The following TRPC4 variants were observed in gnomAD, a reference collection of about 807,000 sequenced individuals.
TRPC4 encodes transient receptor potential cation channel subfamily C member 4.
Under a neutral mutation model 99.4 loss-of-function variants are expected in TRPC4, and 49 were observed. The ratio of observed to expected loss-of-function variants is 0.49; its 90% CI spans 0.39 to 0.63. TRPC4 has a LOEUF of 0.63. Ranked by LOEUF, TRPC4 falls within the 20% of genes least tolerant of loss-of-function variation. The probability of loss-of-function intolerance (pLI) is 0.00; values close to 1 mark genes in which losing one functional copy is unlikely to be tolerated. For synonymous variants in TRPC4, 454 were observed against 425.9 expected, an observed-to-expected ratio of 1.07 and a Z score of -0.81; for missense variants, 898 against 1,152.9, an observed-to-expected ratio of 0.78 and a Z score of 3.20.
At position 37,705,660 on chromosome 13, in the gene TRPC4, C is replaced by G. The variant is rs80331112; in HGVS notation, c.898-13325G>C. ...CTCAAATCAGTCTTTGAGTTCCTCTCCTTCTAACCCATGGACCATTCTGCT... is the reference window on the plus strand; with the variant it reads ...CTCAAATCAGTCTTTGAGTTCCTCTGCTTCTAACCCATGGACCATTCTGCT... On this transcript the variant is annotated intron_variant, in intron 3 of 10. Transcript: ENST00000379705. Among the ~76,000 whole-genome samples, 1,257 of 152,186 alleles carry G rather than the reference C, an allele frequency of 8.3e-3. 20 individuals carry two copies. Among genetic ancestry groups the G allele is most frequent in the African/African-American group, 0.029 (1,206 of 41,518 alleles).
chr13:37,797,903 G>T (rs981029901), intron 1 of TRPC4, among the ~76,000 whole-genome samples: 1 of 152,090 alleles, frequency 6.6e-6, no homozygotes, highest in Non-Finnish European at 1.5e-5. Flanking sequence ...CTATGACATT[G>T]TGATCATTTT....
At chr13:37,848,405 T>C (rs1321068743) in intron 1 of TRPC4, among the ~76,000 whole-genome samples, 1 of 152,032 alleles carries the variant, frequency 6.6e-6, no homozygotes, top group Non-Finnish European at 1.5e-5. Context: ...GCACCATCCA[T>C]AGAACATTAT....
intron 3 of TRPC4, among the ~76,000 whole-genome samples, chr13:37,700,996 A>C (rs1347043510): frequency 6.6e-6 from 1 of 152,162 alleles, no homozygotes; most frequent in Non-Finnish European, 1.5e-5. Flanking sequence ...TTGGAATTAA[A>C]TTAGTCTATA....
intron 5 of TRPC4, among the ~76,000 whole-genome samples, chr13:37,671,793 A>T (rs1566084722): frequency 6.6e-6 from 1 of 152,230 alleles, no homozygotes; most frequent in Non-Finnish European, 1.5e-5. Flanking sequence ...TCCACAGTGC[A>T]TGCCAATGAA....
At position 37,637,265 on chromosome 13, in the gene TRPC4, C is replaced by G. The variant is rs761506347; in HGVS notation, c.2572G>C (p.Glu858Gln). The G allele has an allele frequency of 6.2e-6, 10 of 1,613,890 alleles. No individual in the cohort carries two copies. The highest frequency in any genetic ancestry group is 1.3e-5 in the African/African-American group (1 of 75,030). ...GAGAAGATTTGGTTTGCATTTTGCT[C>G]AGCAGCATTTTGTTTTGATCGTCTA... ...FHRRSKQNAA[E>Q]QNANQIFSVS... Residue 858 changes from glutamate (E) to glutamine (Q), a missense_variant, in exon 11 of 11, where the codon GAG (glutamate) becomes CAG (glutamine). By Grantham distance (29) the Glu-to-Gln change is conservative (BLOSUM62 2). This residue lies in a region of TRPC4 where 346 missense variants were observed against 351.4 expected (regional missense o/e 0.98). Transcript: ENST00000379705.
chr13:37,760,674 C>G (rs528225098), intron 2 of TRPC4, among the ~76,000 whole-genome samples: 8 of 151,924 alleles, frequency 5.3e-5, no homozygotes, highest in Non-Finnish European at 8.8e-5. Flanking sequence ...CAGCCCAACA[C>G]AAATTCGCAA....
intron 1 of TRPC4, among the ~76,000 whole-genome samples, chr13:37,821,783 T>C (rs1227375378): frequency 6.6e-6 from 1 of 151,970 alleles, no homozygotes; most frequent in Non-Finnish European, 1.5e-5. Flanking sequence ...AAACTGGGTC[T>C]TTCCTTACAC....
chr13:37,777,375 G>A (rs1165320247), intron 2 of TRPC4, among the ~76,000 whole-genome samples: 1 of 151,914 alleles, frequency 6.6e-6, no homozygotes, highest in African/African-American at 2.4e-5. Flanking sequence ...GAGAGAAAGA[G>A]AGTGAAGGGG....
chr13:37,781,817 C>T (rs1156585015), intron 2 of TRPC4, among the ~76,000 whole-genome samples: 2 of 151,984 alleles, frequency 1.3e-5, no homozygotes, highest in African/African-American at 2.4e-5. Flanking sequence ...CATAAAAACA[C>T]AGGCTTTTCC....
At chr13:37,751,270 C>T (rs1593657628) in intron 2 of TRPC4, among the ~76,000 whole-genome samples, 1 of 152,072 alleles carries the variant, frequency 6.6e-6, no homozygotes, top group African/African-American at 2.4e-5. Flanking sequence ...AGCTCTGCAT[C>T]AGGGTCTAAC....
chr13:37,855,316 CAT>C (rs1268398658), intron 1 of TRPC4, among the ~76,000 whole-genome samples: 2 of 136,874 alleles, frequency 1.5e-5, no homozygotes, highest in African/African-American at 3.1e-5. Context: ...TATATATACA[CAT>C]GTAGATATAT....
rs777818772 is a variant in TRPC4 at position 37,782,991 on chromosome 13, A to G, written c.343T>C (p.Leu115=). Residue 115 remains leucine, a synonymous_variant, in exon 2 of 11, where the codon TTA becomes CTA. Transcript: ENST00000379705. ...RKEVVGAVEL[L]LNHKKPSGEK... ...CCACTAGGTTTTTTGTGGTTCAATA[A>G]CAGCTCAACAGCTCCGACGACTTCT... The G allele has an allele frequency of 6.4e-7, 1 of 1,570,182 alleles. No homozygotes were observed. Among genetic ancestry groups the G allele is most frequent in the Non-Finnish European group, 8.6e-7 (1 of 1,157,836 alleles).
intron 2 of TRPC4, among the ~76,000 whole-genome samples, chr13:37,762,065 T>C (rs1956237163): frequency 6.6e-6 from 1 of 151,842 alleles, no homozygotes; most frequent in South Asian, 2.1e-4. Context: ...CAACTTTAAA[T>C]CACCAGCAGG....
In TRPC4 at chr13:37,798,615, CA is replaced by C. The variant is rs771363554; in HGVS notation, c.-27-15256del. 1.2e-3 allele frequency among the ~76,000 whole-genome samples: 175 copies of C among 152,160 alleles called. 1 individual carries two copies. The highest frequency in any genetic ancestry group is 1.7e-3 in the Non-Finnish European group (115 of 68,006). ...AGATGAAAAGTGAAAAAAATACTTC[CA>C]AATATCAATCAAATATTTTGTCTAC... On this transcript the variant is annotated intron_variant, in intron 1 of 10. Transcript: ENST00000379705.
rs117711593 is a variant in TRPC4 at position 37,641,570 on chromosome 13, G to T, written c.2080-2271C>A. 2.7e-3 allele frequency among the ~76,000 whole-genome samples: 417 copies of T among 152,206 alleles called. 1 individual carries two copies. Among genetic ancestry groups the T allele is most frequent in the Non-Finnish European group, 4.4e-3 (296 of 68,014 alleles). Reference sequence around the variant, plus strand: ...CCAAATAATTAATGCTAAATTATGCGGCTGATAGAGCTCTCATCTGTTTAA... The same window carrying T: ...CCAAATAATTAATGCTAAATTATGCTGCTGATAGAGCTCTCATCTGTTTAA... On this transcript the variant is annotated intron_variant, in intron 8 of 10. Transcript: ENST00000379705.
intron 1 of TRPC4, among the ~76,000 whole-genome samples, chr13:37,801,875 G>A (rs1303873436): frequency 1.3e-5 from 2 of 151,958 alleles, no homozygotes; most frequent in Non-Finnish European, 2.9e-5. Flanking sequence ...AAAAATCGAA[G>A]GTCATTTTTG....
intron 2 of TRPC4, among the ~76,000 whole-genome samples, chr13:37,753,733 T>A (rs752694261): frequency 3.3e-5 from 5 of 152,144 alleles, no homozygotes; most frequent in Non-Finnish European, 7.4e-5. Context: ...GTTTCCCTAA[T>A]GTTCACTTGT....
At chr13:37,735,452 C>T (rs1222840211) in intron 3 of TRPC4, among the ~76,000 whole-genome samples, 1 of 152,120 alleles carries the variant, frequency 6.6e-6, no homozygotes, top group East Asian at 1.9e-4. Context: ...AAATATCAGT[C>T]ACTAAATAAT....
At chr13:37,830,707 C>T (rs1358325231) in intron 1 of TRPC4, among the ~76,000 whole-genome samples, 7 of 147,744 alleles carry the variant, frequency 4.7e-5, no homozygotes, top group African/African-American at 7.5e-5. Flanking sequence ...AGCGAAATTC[C>T]GTTTTAAAAA....
Sources: allele counts gnomAD v4.1 joint callset (sites outside exome capture counted in the v4.1 genomes callset), GRCh38; gene constraint gnomAD v4.1.1; regional missense constraint gnomAD v4.1.1; transcripts MANE v1.5; gene names NCBI Gene and HGNC (gene_info 2026-07-23, HGNC 2026-07-21).